The following TBC1D21 variants were observed in gnomAD, a reference collection of about 807,000 sequenced individuals.
TBC1D21 encodes male germ cell Rab GTPase-activating protein.
A neutral mutation model predicts 46.0 loss-of-function variants in TBC1D21; 38 were observed. The observed-to-expected ratio is 0.83, with a 90% CI of 0.64 to 1.08. TBC1D21 has a LOEUF of 1.08. Among genes scored for constraint, TBC1D21 ranks in the 50% least tolerant of loss-of-function variants. The pLI is 0.00. For missense variants in TBC1D21, 415 were observed against 417.9 expected (o/e 0.99, Z 0.06); for synonymous variants, 151 against 157.2 (o/e 0.96, Z 0.29).
the TBC1D21 span, among the ~76,000 whole-genome samples, chr15:73,899,185 G>A: frequency 6.6e-6 from 1 of 152,042 alleles, no homozygotes; most frequent in South Asian, 2.1e-4. Flanking sequence ...GTGGCCGAGA[G>A]GTCTGATGAG....
intron 6 of TBC1D21, among the ~76,000 whole-genome samples, chr15:73,885,321 G>A (rs1045386668): frequency 2.0e-5 from 3 of 152,280 alleles, no homozygotes; most frequent in Non-Finnish European, 4.4e-5. Context: ...AAAGCTCTGG[G>A]TCCACCTCTC....
rs779089267 is a variant in TBC1D21 at position 73,887,666 on chromosome 15, C to T, written c.824C>T (p.Ala275Val). Reference sequence around the variant, plus strand: ...TGCAGGAACTTCCAGGTGCTGGTGGCCTACAGCATGCTGCAGATGGTGCGG... The same window carrying T: ...TGCAGGAACTTCCAGGTGCTGGTGGTCTACAGCATGCTGCAGATGGTGCGG... ...KPCRNFQVLV[A>V]YSMLQMVREQ... The change falls in exon 9 of 11, where the codon GCC (alanine) becomes GTC (valine). Residue 275 changes from alanine to valine, a missense_variant. Physicochemically the swap from Ala to Val is moderately conservative, Grantham distance 64. Transcript: ENST00000300504. 56 of 1,614,086 alleles carry T rather than the reference C, an allele frequency of 3.5e-5. 2 individuals are homozygous for T. The South Asian group carries it at 5.6e-4, about 16-fold the overall frequency.
At chr15:73,877,514 TAAAAAAAAAA>T (rs541803630) in intron 1 of TBC1D21, among the ~76,000 whole-genome samples, 196 of 72,728 alleles carry the variant, frequency 2.7e-3, no homozygotes, top group Admixed American at 0.027. Context: ...TCCAGAAAAC[TAAAAAAAAAA>T]AAAAAAAAAA....
downstream of TBC1D21, among the ~76,000 whole-genome samples, chr15:73,893,807 T>A (rs545497537): frequency 6.6e-6 from 1 of 152,206 alleles, no homozygotes; most frequent in Admixed American, 6.5e-5. Flanking sequence ...AGGAAGAACA[T>A]AGCTACTAGG....
At chr15:73,878,958 A>T (rs565187287) in intron 1 of TBC1D21, among the ~76,000 whole-genome samples, 32 of 152,308 alleles carry the variant, frequency 2.1e-4, no homozygotes, top group South Asian at 4.1e-4. Flanking sequence ...TGCTCTGATG[A>T]GTGGCAGTGT....
chr15:73,885,016 C>T lies in TBC1D21; in HGVS notation c.492C>T (p.Gly164=). 3 of 1,605,412 alleles carry T rather than the reference C, an allele frequency of 1.9e-6. No individual in the cohort carries two copies. In the East Asian group the frequency reaches 6.8e-5, roughly 36 times the overall value. ...VCNTQAEYQQ[G]FHEMMMLFQL... The stretch of plus-strand genomic sequence containing the variant: ...TCTTCGCCACAGAGTACCAGCAGGG[C>T]TTCCATGAGATGATGATGCTCTTCC... The change falls in exon 6 of 11, where the codon GGC becomes GGT. Residue 164 remains glycine (G), a synonymous_variant. Transcript: ENST00000300504.
the TBC1D21 span, among the ~76,000 whole-genome samples, chr15:73,909,242 C>T: frequency 2.6e-4 from 39 of 152,106 alleles, no homozygotes; most frequent in African/African-American, 8.7e-4. Context: ...TGTGGTGGCA[C>T]GCACCTGTAG....
chr15:73,879,247 A>G (rs949073669), intron 1 of TBC1D21, among the ~76,000 whole-genome samples: 3 of 152,092 alleles, frequency 2.0e-5, no homozygotes, highest in African/African-American at 7.2e-5. Context: ...TTGCTCTGTC[A>G]CCCAGGCTGG....
chr15:73,876,221 T>TTTTG (rs2068061882), intron 1 of TBC1D21, among the ~76,000 whole-genome samples: 1 of 36,380 alleles, frequency 2.7e-5, no homozygotes, highest in African/African-American at 1.8e-4. Context: ...TTTTTTTTTT[T>TTTTG]TTTTTTTTTT....
At position 73,881,436 on chromosome 15, in the gene TBC1D21, A is replaced by G. The variant is rs2068151985; in HGVS notation, c.98A>G (p.Asp33Gly). The G allele has an allele frequency of 1.9e-6, 3 of 1,614,238 alleles. No homozygotes were observed. Among genetic ancestry groups the G allele is most frequent in the Non-Finnish European group, 2.5e-6 (3 of 1,180,042 alleles). The stretch of plus-strand genomic sequence containing the variant: ...CCACCCATTGACAAGACAGAATGGG[A>G]CAGCTTCTTTGATGAGAGTGGCCAC... ...RKPPIDKTEW[D>G]SFFDESGHLA... Residue 33 changes from aspartate (D) to glycine (G), a missense_variant, in exon 2 of 11, where the codon GAC becomes GGC. Physicochemically the swap from Asp to Gly is moderately conservative, Grantham distance 94 (BLOSUM62 -1). Coordinates refer to ENST00000300504, the MANE Select transcript of TBC1D21 (RefSeq NM_153356.3).
downstream of TBC1D21, among the ~76,000 whole-genome samples, chr15:73,893,953 T>C (rs1416653495): frequency 6.6e-6 from 1 of 152,212 alleles, no homozygotes; most frequent in Non-Finnish European, 1.5e-5. Context: ...ATTAATATGT[T>C]CCACGCCTTG....
the TBC1D21 span, among the ~76,000 whole-genome samples, chr15:73,903,415 G>C: frequency 6.6e-6 from 1 of 152,216 alleles, no homozygotes; most frequent in African/African-American, 2.4e-5. Context: ...ACAAGTCTGA[G>C]ACCTGTTCTG....
chr15:73,886,262 G>A lies in TBC1D21; in HGVS notation c.676+88G>A, dbSNP rs1426735267. ...CCAACTGTCAGTCCCTAATCATGGG[G>A]GGGCTGGAGAGCAGCAGAATCATTT... On this transcript the variant is annotated intron_variant, in intron 7 of 10. Transcript: ENST00000300504. 3 of 1,216,430 alleles carry A rather than the reference G, an allele frequency of 2.5e-6. No individual in the cohort carries two copies. In the African/African-American group the frequency reaches 4.5e-5, roughly 18 times the overall value. The allele number at this position is 1,216,430 out of a possible 1,614,324, so 75.4% of individuals were successfully genotyped here.
At chr15:73,874,914 G>C (rs1024174761) in intron 1 of TBC1D21, among the ~76,000 whole-genome samples, 1 of 152,144 alleles carries the variant, frequency 6.6e-6, no homozygotes, top group Non-Finnish European at 1.5e-5. Flanking sequence ...CCCTTGTTAC[G>C]GTTGGGAGTC....
the TBC1D21 span, among the ~76,000 whole-genome samples, chr15:73,896,953 T>C: frequency 2.8e-3 from 432 of 152,306 alleles, 2 homozygotes; most frequent in African/African-American, 0.01. Context: ...AGGGGTGATG[T>C]CAAGATGTCA....
chr15:73,904,410 A>T, the TBC1D21 span, among the ~76,000 whole-genome samples: 4 of 152,186 alleles, frequency 2.6e-5, no homozygotes, highest in Non-Finnish European at 5.9e-5. Context: ...ACCTCTTCCA[A>T]TTCTGCATTC....
At chr15:73,903,897 A>T in the TBC1D21 span, among the ~76,000 whole-genome samples, 2,596 of 152,246 alleles carry the variant, frequency 0.017, 215 homozygotes, top group East Asian at 0.25. Flanking sequence ...AAATAAAAAA[A>T]GTTAGCTGGG....
Position 73,873,609 on chromosome 15 carries a change from C to T in TBC1D21, c.-101C>T. The stretch of plus-strand genomic sequence containing the variant: ...TCAAGTGTGGGAGGTCAGGAGCAGC[C>T]AGTTCCTCCTGGGAATGCAACCCAT... On this transcript the variant is annotated 5_prime_UTR_variant, in exon 1 of 11. Coordinates refer to ENST00000300504, the MANE Select transcript of TBC1D21 (RefSeq NM_153356.3). 1 of 1,314,854 alleles carries T rather than the reference C, an allele frequency of 7.6e-7. No homozygotes were observed. 81.4% of individuals were successfully genotyped at this position (1,314,854 alleles called of 1,614,324 possible).
intron 7 of TBC1D21, 101 bp from the exon 8 acceptor site, chr15:73,886,411 C>A: frequency 8.9e-7 from 1 of 1,127,666 alleles, no homozygotes; most frequent in Non-Finnish European, 1.3e-6. Context: ...TTTTGTATTT[C>A]CCAAGTGTTT....
Sources: allele counts gnomAD v4.1 joint callset (sites outside exome capture counted in the v4.1 genomes callset), GRCh38; gene constraint gnomAD v4.1.1; transcripts MANE v1.5; gene names NCBI Gene and HGNC (gene_info 2026-07-23, HGNC 2026-07-21).